Variants in CDH18 observed in about 807,000 individuals in gnomAD.
The protein encoded by CDH18 is cadherin-18.
CDH18 carries 31 observed loss-of-function variants against 67.9 expected under a neutral mutation model. The ratio of observed to expected loss-of-function variants is 0.46; its 90% confidence interval spans 0.34 to 0.62. The LOEUF is 0.62. CDH18 is among the 20% of genes least tolerant of loss of function. The pLI, the probability that CDH18 is intolerant of heterozygous loss-of-function variation, is 0.01. For synonymous variants in CDH18, 362 were observed against 347.2 expected (o/e 1.04, Z -0.48); for missense variants, 890 against 975.5 (o/e 0.91, Z 1.17).
chr5:20,337,184 G>A (rs1318167956), intron 1 of CDH18, among the ~76,000 whole-genome samples: 2 of 152,144 alleles, frequency 1.3e-5, no homozygotes, highest in Non-Finnish European at 2.9e-5. Flanking sequence ...AGAGGTCTCT[G>A]CCATGACCTA....
Position 20,234,402 on chromosome 5 carries a change from T to G in CDH18, c.-518+21042A>C, listed in dbSNP as rs549952111. ...ATCATTCTATCTCTAAACGATGCAT[T>G]TTTTATAATTTCTTCAACCTATGTT... On this transcript the variant is annotated intron_variant, in intron 2 of 14. Coordinates refer to the CDH18 transcript ENST00000507958. 2.0e-5 allele frequency among the ~76,000 whole-genome samples: 3 copies of G among 152,244 alleles called. No homozygotes were observed. The South Asian group carries it at 6.2e-4, about 32-fold the overall frequency.
chr5:19,721,002 G>A lies in CDH18; in HGVS notation c.643+345C>T, dbSNP rs116570319. On this transcript the variant is annotated intron_variant, in intron 5 of 12. Coordinates refer to ENST00000382275, the MANE Select transcript of CDH18 (RefSeq NM_004934.5). ...TAAGAATTAAAACTAATATACAAGC[G>A]GAGCAAATAATATATTTGAAAATCT... 8.9e-3 allele frequency among the ~76,000 whole-genome samples: 1,350 copies of A among 152,046 alleles called. 13 individuals carry two copies. Among genetic ancestry groups the A allele is most frequent in the Non-Finnish European group, 0.012 (846 of 67,996 alleles).
At chr5:19,881,947 T>C (rs1034188817) in intron 2 of CDH18, among the ~76,000 whole-genome samples, 1 of 152,180 alleles carries the variant, frequency 6.6e-6, no homozygotes, top group Admixed American at 6.6e-5. Context: ...AAATTTTTGG[T>C]ATTTTTTTAC....
intron 1 of CDH18, among the ~76,000 whole-genome samples, chr5:20,450,391 C>G (rs1369449303): frequency 6.6e-6 from 1 of 152,094 alleles, no homozygotes; most frequent in African/African-American, 2.4e-5. Flanking sequence ...AGTCTCATCA[C>G]ATTATGTACT....
chr5:19,649,674 C>T (rs1329384307), intron 5 of CDH18, among the ~76,000 whole-genome samples: 1 of 151,876 alleles, frequency 6.6e-6, no homozygotes, highest in Non-Finnish European at 1.5e-5. Context: ...GCCCACAGTT[C>T]TTCTAAAATT....
At chr5:19,815,672 T>G (rs917375670) in intron 3 of CDH18, among the ~76,000 whole-genome samples, 5 of 152,016 alleles carry the variant, frequency 3.3e-5, no homozygotes, top group African/African-American at 9.7e-5. Context: ...AAAGTGATTT[T>G]CATTAAGGAA....
chr5:19,860,946 T>C (rs1270238904), intron 2 of CDH18, among the ~76,000 whole-genome samples: 1 of 152,166 alleles, frequency 6.6e-6, no homozygotes, highest in Non-Finnish European at 1.5e-5. Flanking sequence ...TAAATTTTGA[T>C]GAAAACCAAA....
chr5:19,485,057 A>G (rs183111330), intron 11 of CDH18, among the ~76,000 whole-genome samples: 1 of 152,298 alleles, frequency 6.6e-6, no homozygotes, highest in African/African-American at 2.4e-5. Flanking sequence ...TTTATTGTAC[A>G]TTGCTAAATT....
intron 2 of CDH18, among the ~76,000 whole-genome samples, chr5:19,927,005 C>T (rs1025873699): frequency 2.6e-5 from 4 of 152,076 alleles, no homozygotes; most frequent in Non-Finnish European, 4.4e-5. Flanking sequence ...TAAAGAATTG[C>T]TACAGAATTG....
chr5:20,421,046 A>G (rs1397426073), intron 1 of CDH18, among the ~76,000 whole-genome samples: 1 of 151,216 alleles, frequency 6.6e-6, no homozygotes, highest in East Asian at 1.9e-4. Flanking sequence ...AAGTAACAGT[A>G]TGATCTTTAA....
intron 1 of CDH18, among the ~76,000 whole-genome samples, chr5:20,559,839 G>C (rs1022179536): frequency 3.5e-4 from 53 of 152,118 alleles, no homozygotes; most frequent in African/African-American, 1.3e-3. Flanking sequence ...GCATTTAAAA[G>C]TTTGTTGCAT....
intron 3 of CDH18, among the ~76,000 whole-genome samples, chr5:19,832,346 T>C (rs1164125298): frequency 6.6e-6 from 1 of 152,142 alleles, no homozygotes; most frequent in East Asian, 1.9e-4. Flanking sequence ...AGTTCAAAGA[T>C]AATTTGGAAT....
At chr5:20,501,526 TTATA>T (rs1261057888) in intron 1 of CDH18, among the ~76,000 whole-genome samples, 4 of 64,966 alleles carry the variant, frequency 6.2e-5, no homozygotes, top group Admixed American at 2.7e-4. Context: ...TATATACATA[TTATA>T]TATATTATAT....
intron 2 of CDH18, among the ~76,000 whole-genome samples, chr5:20,139,006 A>G (rs1008534359): frequency 6.6e-6 from 1 of 152,236 alleles, no homozygotes; most frequent in Non-Finnish European, 1.5e-5. Flanking sequence ...CTGCATTGCC[A>G]AGACAATCCT....
rs567977287 is a variant in CDH18, at chr5:19,710,470, C to T, written c.643+10877G>A. On this transcript the variant is annotated intron_variant, in intron 5 of 12. Coordinates refer to ENST00000382275, the MANE Select transcript of CDH18 (RefSeq NM_004934.5). ...ATGTACATGTAAAACATGTTGTTTT[C>T]GTTTCTCAGAAATAATTTACTTTGT... Among the ~76,000 whole-genome samples the T allele has an allele frequency of 8.5e-5, 13 of 152,062 alleles. 1 individual carries two copies. The highest frequency in any genetic ancestry group is 4.1e-4 in the South Asian group (2 of 4,820).
At chr5:20,224,924 C>A (rs1292820633) in intron 2 of CDH18, among the ~76,000 whole-genome samples, 1 of 152,022 alleles carries the variant, frequency 6.6e-6, no homozygotes, top group Non-Finnish European at 1.5e-5. Context: ...CTTTCCCTCT[C>A]TCTTTCTCTC....
intron 2 of CDH18, among the ~76,000 whole-genome samples, chr5:20,056,762 C>CA (rs1742024982): frequency 1.4e-5 from 2 of 143,500 alleles, no homozygotes; most frequent in Admixed American, 1.5e-4. Flanking sequence ...CGGCTCACTG[C>CA]AAGCTCCACC....
chr5:19,761,176 G>A lies in CDH18; in HGVS notation c.229-13940C>T, dbSNP rs149017945. 1.4e-4 allele frequency among the ~76,000 whole-genome samples: 21 copies of A among 152,132 alleles called. No individual in the cohort carries two copies. The East Asian group carries it at 3.5e-3, about 25-fold the overall frequency. ...GATAAGAGCTTATGTCTGTTTTTCC[G>A]CAATTTCAGCTGTTTCTCTACAGGA... On this transcript the variant is annotated intron_variant, in intron 3 of 12. Transcript: ENST00000382275.
intron 2 of CDH18, among the ~76,000 whole-genome samples, chr5:20,046,016 T>G (rs1485161646): frequency 6.6e-6 from 1 of 152,060 alleles, no homozygotes; most frequent in Non-Finnish European, 1.5e-5. Context: ...GATTTAGATT[T>G]TTTAAAGGTT....
Sources: gnomAD v4.1 joint callset for allele counts (sites outside exome capture counted in the v4.1 genomes callset) on GRCh38, gnomAD v4.1.1 for gene constraint, MANE v1.5 for transcripts, NCBI Gene and HGNC (gene_info 2026-07-23, HGNC 2026-07-21) for gene names.